The following SEC24B variants were observed in gnomAD, a reference collection of about 807,000 sequenced individuals.
The protein encoded by SEC24B is protein transport protein Sec24B.
Under a neutral mutation model 142.8 loss-of-function variants are expected in SEC24B, and 45 were observed. The observed-to-expected ratio is 0.32, with a 90% confidence interval of 0.25 to 0.40. The LOEUF is 0.40. SEC24B is among the 10% of genes least tolerant of loss of function. The pLI, the probability that SEC24B is intolerant of heterozygous loss-of-function variation, is 1.00. For synonymous variants in SEC24B, 574 were observed against 568.2 expected, an observed-to-expected ratio of 1.01 and a Z score of -0.15; for missense variants, 1,409 against 1,526.8, an observed-to-expected ratio of 0.92 and a Z score of 1.29.
At chr4:109,461,218 AT>A (rs1456329790) in intron 1 of SEC24B, among the ~76,000 whole-genome samples, 2 of 152,234 alleles carry the variant, frequency 1.3e-5, no homozygotes, top group African/African-American at 2.4e-5. Flanking sequence ...CACTTTTCAG[AT>A]TGGCAGAGAT....
At chr4:109,476,184 A>G (rs1019443421) in intron 3 of SEC24B, among the ~76,000 whole-genome samples, 3 of 152,096 alleles carry the variant, frequency 2.0e-5, no homozygotes, top group Non-Finnish European at 4.4e-5. Flanking sequence ...ACGGGGTTTC[A>G]CCATGTTGAC....
intron 16 of SEC24B, among the ~76,000 whole-genome samples, chr4:109,526,012 G>A (rs1406689721): frequency 6.6e-6 from 1 of 152,122 alleles, no homozygotes; most frequent in Non-Finnish European, 1.5e-5. Flanking sequence ...AAGGTTAGGT[G>A]TCAATACAAG....
rs1055186680 is a variant in SEC24B at position 109,479,635 on chromosome 4, A to G, written c.1061-2042A>G. On this transcript the variant is annotated intron_variant, in intron 3 of 23. Transcript: ENST00000265175. Reference sequence around the variant, plus strand: ...CTTTTTACAGAGATGGGGTCTCACTATGTTGCCCAGGCTGGTCTTGAACTC... The same window carrying G: ...CTTTTTACAGAGATGGGGTCTCACTGTGTTGCCCAGGCTGGTCTTGAACTC... Among the ~76,000 whole-genome samples the G allele has an allele frequency of 4.6e-5, 7 of 151,900 alleles. No homozygotes were observed. The South Asian group carries it at 6.2e-4, about 14-fold the overall frequency.
At chr4:109,464,716 A>G (rs1446330930) in intron 2 of SEC24B, among the ~76,000 whole-genome samples, 1 of 152,232 alleles carries the variant, frequency 6.6e-6, no homozygotes, top group Non-Finnish European at 1.5e-5. Flanking sequence ...CCATGTGTCA[A>G]AGATGCTGTG....
chr4:109,485,492 C>T (rs187670081), intron 4 of SEC24B, among the ~76,000 whole-genome samples: 9 of 152,222 alleles, frequency 5.9e-5, no homozygotes, highest in Non-Finnish European at 1.3e-4. Flanking sequence ...CAGTGTTAAA[C>T]GTACATGTTA....
At chr4:109,536,532 T>C (rs578161541) in intron 22 of SEC24B, among the ~76,000 whole-genome samples, 1 of 152,146 alleles carries the variant, frequency 6.6e-6, no homozygotes, top group African/African-American at 2.4e-5. Context: ...ATTTTTTGTT[T>C]TGTTTTGTTT....
intron 1 of SEC24B, among the ~76,000 whole-genome samples, chr4:109,454,697 C>G (rs1730477685): frequency 6.6e-6 from 1 of 152,190 alleles, no homozygotes; most frequent in Non-Finnish European, 1.5e-5. Context: ...TCCCTCTTCC[C>G]CAAGGCAGGT....
At position 109,539,846 on chromosome 4, in the gene SEC24B, TC is replaced by T; in HGVS notation, c.*172del. On this transcript the variant is annotated 3_prime_UTR_variant, in exon 24 of 24. Coordinates refer to ENST00000265175, the MANE Select transcript of SEC24B (RefSeq NM_006323.5). ...AAAGGGGAAGAAAGAACTTGACAGA[TC>T]TTTTTCAACTCAAATTAATGGTAAC... 1.7e-6 allele frequency: 1 copy of T among 578,644 alleles called. No homozygotes were observed. The highest frequency in any genetic ancestry group is 2.2e-5 in the South Asian group (1 of 45,114). The allele number at this position is 578,644 out of a possible 1,614,324, so 35.8% of individuals were successfully genotyped here.
intron 2 of SEC24B, among the ~76,000 whole-genome samples, chr4:109,469,687 T>G (rs1490102356): frequency 6.6e-6 from 1 of 152,154 alleles, no homozygotes; most frequent in Non-Finnish European, 1.5e-5. Context: ...AAGGCAAAAC[T>G]TTAAAACTTC....
intron 1 of SEC24B, among the ~76,000 whole-genome samples, chr4:109,437,371 C>G (rs1483946442): frequency 6.6e-6 from 1 of 152,046 alleles, no homozygotes; most frequent in Non-Finnish European, 1.5e-5. Context: ...GCAGCCTCAA[C>G]CTCCTGGGCT....
chr4:109,502,458 A>G lies in SEC24B; in HGVS notation c.1489-3870A>G, dbSNP rs915790703. On this transcript the variant is annotated intron_variant, in intron 6 of 23. Transcript: ENST00000265175. ...AAGTTCTGCCCTAATTCGGAAATTG[A>G]TGGTTGTTCTTTGTGCTAAGGTAGT... Among the ~76,000 whole-genome samples, 4 of 152,214 alleles carry G rather than the reference A, an allele frequency of 2.6e-5. No individual in the cohort carries two copies. The South Asian group carries it at 8.3e-4, about 31-fold the overall frequency.
At chr4:109,460,850 T>C (rs1298856138) in intron 1 of SEC24B, among the ~76,000 whole-genome samples, 1 of 151,626 alleles carries the variant, frequency 6.6e-6, no homozygotes, top group Non-Finnish European at 1.5e-5. Context: ...TTATCAAAGA[T>C]ATATAAAGAT....
At chr4:109,479,462 G>C (rs1415322724) in intron 3 of SEC24B, among the ~76,000 whole-genome samples, 1 of 152,162 alleles carries the variant, frequency 6.6e-6, no homozygotes, top group Non-Finnish European at 1.5e-5. Context: ...ATCTGAATTA[G>C]AGGCACTTCA....
At chr4:109,533,016 T>C (rs1725097874) in intron 21 of SEC24B, among the ~76,000 whole-genome samples, 1 of 152,242 alleles carries the variant, frequency 6.6e-6, no homozygotes. Context: ...TATATATACT[T>C]GATGAAGAGA....
In SEC24B at chr4:109,494,644, G is replaced by A. The variant is rs932642316; in HGVS notation, c.1276G>A (p.Ala426Thr). 6.2e-7 allele frequency: 1 copy of A among 1,614,004 alleles called. No homozygotes were observed. Among genetic ancestry groups the A allele is most frequent in the South Asian group, 1.1e-5 (1 of 91,084 alleles). The change falls in exon 6 of 24, where the codon GCT (alanine) becomes ACT (threonine). Residue 426 changes from alanine (A) to threonine (T), a missense_variant. Ala to Thr is a moderately conservative substitution (Grantham distance 58). Coordinates refer to ENST00000265175, the MANE Select transcript of SEC24B (RefSeq NM_006323.5). ...DMLSSSASSP[A>T]PDPAPEPDPA... The stretch of plus-strand genomic sequence containing the variant: ...GCTTTCTTCATCAGCAAGCAGTCCT[G>A]CTCCTGATCCCGCCCCTGAACCTGA...
intron 4 of SEC24B, among the ~76,000 whole-genome samples, chr4:109,489,991 G>A (rs1309474569): frequency 2.0e-5 from 3 of 151,934 alleles, no homozygotes; most frequent in East Asian, 1.9e-4. Context: ...TACTTATCAC[G>A]AAGAAGGCAC....
intron 3 of SEC24B, among the ~76,000 whole-genome samples, chr4:109,475,282 C>T (rs541263613): frequency 6.6e-6 from 1 of 152,272 alleles, no homozygotes; most frequent in South Asian, 2.1e-4. Flanking sequence ...GCTATACAAC[C>T]TAATTGAGTC....
intron 14 of SEC24B, among the ~76,000 whole-genome samples, chr4:109,524,128 T>C (rs897120987): frequency 5.3e-5 from 8 of 152,176 alleles, no homozygotes; most frequent in African/African-American, 1.9e-4. Flanking sequence ...AGCTTTGTTT[T>C]GATTTGTTTT....
Position 109,463,207 on chromosome 4 carries a change from G to T in SEC24B, c.440G>T (p.Ser147Ile). The change falls in exon 2 of 24, where the codon AGT becomes ATT. Residue 147 changes from serine (S) to isoleucine (I), a missense_variant. Coordinates refer to ENST00000265175, the MANE Select transcript of SEC24B (RefSeq NM_006323.5). ...TCGTCAGCATCCCATTTGCATACGA[G>T]TGCCTCCCAACCATACTCCTCTTTT... ...AASSASHLHT[S>I]ASQPYSSFVN... The T allele has an allele frequency of 1.2e-6, 2 of 1,614,142 alleles. No individual in the cohort carries two copies. The highest frequency in any genetic ancestry group is 1.7e-6 in the Non-Finnish European group (2 of 1,180,038).
Sources: allele counts gnomAD v4.1 joint callset (sites outside exome capture counted in the v4.1 genomes callset), GRCh38; gene constraint gnomAD v4.1.1; transcripts MANE v1.5; gene names NCBI Gene and HGNC (gene_info 2026-07-23, HGNC 2026-07-21).